EFTUD2: variants seen among roughly 807,000 people sequenced by gnomAD.
EFTUD2 encodes 116 kDa U5 small nuclear ribonucleoprotein component.
Under a neutral mutation model 114.3 loss-of-function variants are expected in EFTUD2, and 9 were observed. The ratio of observed to expected loss-of-function variants is 0.08; its 90% CI spans 0.05 to 0.14. The LOEUF (loss-of-function observed/expected upper bound fraction) is 0.14. Ranked by LOEUF, EFTUD2 falls within the 10% of genes least tolerant of loss-of-function variation. EFTUD2 has a pLI of 1.00. For missense variants in EFTUD2, 765 were observed against 1,241.2 expected, an observed-to-expected ratio of 0.62 and a Z score of 5.76; for synonymous variants, 449 against 462.3, an observed-to-expected ratio of 0.97 and a Z score of 0.37.
At chr17:44,872,767 T>C (rs1156250998) in intron 10 of EFTUD2, 197 bp from the exon 11 acceptor site, 1 of 466,720 alleles carries the variant, frequency 2.1e-6, no homozygotes. Context: ...CAATAACAAG[T>C]TGATTTCCCA....
intron 15 of EFTUD2, 41 bp from the exon 16 acceptor site, chr17:44,862,947 C>T: frequency 6.4e-7 from 1 of 1,554,922 alleles, no homozygotes; most frequent in South Asian, 1.2e-5. Context: ...CACATCTATG[C>T]TCCGGGGAAG....
intron 5 of EFTUD2, chr17:44,883,407 C>T: frequency 1.7e-6 from 1 of 602,038 alleles, no homozygotes; most frequent in Non-Finnish European, 2.9e-6. Context: ...GCTCAATTTC[C>T]CATCTTCTGT....
chr17:44,875,875 T>C (rs2050938796), intron 10 of EFTUD2, 59 bp downstream of exon 10: 2 of 1,575,678 alleles, frequency 1.3e-6, no homozygotes, highest in Non-Finnish European at 1.7e-6. Flanking sequence ...CCCAGAGGTA[T>C]TCAGGGTTAA....
At position 44,850,137 on chromosome 17, in the gene EFTUD2, A is replaced by G; in HGVS notation, c.*1137T>C. 1 of 545,966 alleles carries G rather than the reference A, an allele frequency of 1.8e-6. No homozygotes were observed. Among genetic ancestry groups the G allele is most frequent in the Non-Finnish European group, 3.3e-6 (1 of 302,246 alleles). The allele number at this position is 545,966 out of a possible 1,614,324, so 33.8% of individuals were successfully genotyped here. A position where few individuals can be genotyped will look rare whatever the true frequency, so the allele number is the denominator to read the frequency against. On this transcript the variant is annotated 3_prime_UTR_variant, in exon 28 of 28. Transcript: ENST00000426333. Reference sequence around the variant, plus strand: ...ACAATACATGTGAAAGTGTTTCGTGAACTGTCAGATAAGTGGTTTCCCCAG... The same window carrying G: ...ACAATACATGTGAAAGTGTTTCGTGGACTGTCAGATAAGTGGTTTCCCCAG...
chr17:44,894,488 A>C lies in EFTUD2; in HGVS notation c.34T>G (p.Tyr12Asp). ...DTDLYDEFGN[Y>D]IGPELDSDED... ...TCAGAATCAAGCTCTGGTCCAATAT[A>C]ATTCCCAAACTCATCATATAAGTCG... Residue 12 changes from tyrosine to aspartate, a missense_variant, in exon 2 of 28, where the codon TAT (tyrosine) becomes GAT (aspartate). Coordinates refer to ENST00000426333, the MANE Select transcript of EFTUD2 (RefSeq NM_004247.4). 6.2e-7 allele frequency: 1 copy of C among 1,614,156 alleles called. No homozygotes were observed.
At chr17:44,885,124 G>T in intron 4 of EFTUD2, 132 bp downstream of exon 4, 1 of 697,838 alleles carries the variant, frequency 1.4e-6, no homozygotes. Context: ...AGCCACACAA[G>T]CTGAAGGAGA....
chr17:44,895,202 G>A (rs1249407234), intron 1 of EFTUD2, among the ~76,000 whole-genome samples: 1 of 152,234 alleles, frequency 6.6e-6, no homozygotes, highest in East Asian at 1.9e-4. Flanking sequence ...TATTAAAAAA[G>A]TTTCATTGGG....
At chr17:44,893,249 A>G (rs1016971599) in intron 2 of EFTUD2, among the ~76,000 whole-genome samples, 7 of 151,942 alleles carry the variant, frequency 4.6e-5, no homozygotes, top group Non-Finnish European at 8.8e-5. Flanking sequence ...CGGCCTTCCA[A>G]GCAGCTGGGA....
At chr17:44,875,841 G>T (rs2050938215) in intron 10 of EFTUD2, 93 bp downstream of exon 10, 1 of 1,494,984 alleles carries the variant, frequency 6.7e-7, no homozygotes, top group Non-Finnish European at 9.1e-7. Context: ...ATCAACACAC[G>T]CTTAGAAATA....
At chr17:44,865,504 T>TAG (rs2050730182) in intron 13 of EFTUD2, among the ~76,000 whole-genome samples, 1 of 152,216 alleles carries the variant, frequency 6.6e-6, no homozygotes, top group Non-Finnish European at 1.5e-5. Flanking sequence ...TCACCCTCAG[T>TAG]AGACTCAAGG....
chr17:44,863,115 T>A, intron 15 of EFTUD2: 1 of 443,630 alleles, frequency 2.3e-6, no homozygotes. Flanking sequence ...CCTCTTTTTT[T>A]TTTTTTGGGA....
chr17:44,881,720 C>A lies in EFTUD2; in HGVS notation c.495G>T (p.Leu165=). 9 of 1,614,076 alleles carry A rather than the reference C, an allele frequency of 5.6e-6. No individual in the cohort carries two copies. Among genetic ancestry groups the A allele is most frequent in the Non-Finnish European group, 7.6e-6 (9 of 1,179,970 alleles). ...CTGTGAAGAGGATGTCAGTATAGCA[C>A]AGCTGAAAAAAAATTAACTGTTGTT... ...PEIRKRYDQD[L]CYTDILFTEQ... is the part of the protein sequence containing the mutation. The change falls in exon 7 of 28, where the codon CTG becomes CTT. Residue 165 remains leucine, a splice_region_variant and synonymous_variant. Coordinates refer to ENST00000426333, the MANE Select transcript of EFTUD2 (RefSeq NM_004247.4).
At position 44,863,775 on chromosome 17, in the gene EFTUD2, C is replaced by A; in HGVS notation, c.1293G>T (p.Val431=). Residue 431 remains valine (V), a synonymous_variant, in exon 15 of 28, where the codon GTG becomes GTT. Transcript: ENST00000426333. ...KKFFGEFTGF[V]DMCVQHIPSP... ...AAGGGATATGCTGCACACACATGTC[C>A]ACAAAGCCTGTGGATGGAGAAGAGA... 6.2e-7 allele frequency: 1 copy of A among 1,613,956 alleles called. No individual in the cohort carries two copies. The highest frequency in any genetic ancestry group is 1.1e-5 in the South Asian group (1 of 91,034).
intron 9 of EFTUD2, 123 bp downstream of exon 9, chr17:44,879,433 A>G: frequency 2.1e-6 from 2 of 930,918 alleles, no homozygotes; most frequent in East Asian, 5.0e-5. Flanking sequence ...AGCAAATTTG[A>G]GCCTTAATCC....
At chr17:44,882,164 C>T (rs1398378993) in intron 6 of EFTUD2, among the ~76,000 whole-genome samples, 2 of 152,142 alleles carry the variant, frequency 1.3e-5, no homozygotes, top group Admixed American at 6.5e-5. Context: ...GAACTCCTGA[C>T]CTCATGTGAT....
intron 1 of EFTUD2, among the ~76,000 whole-genome samples, chr17:44,897,131 G>A (rs1348735603): frequency 1.3e-5 from 2 of 150,798 alleles, no homozygotes; most frequent in Non-Finnish European, 3.0e-5. Context: ...CAGGAGAATG[G>A]TGTGAACCCA....
intron 19 of EFTUD2, chr17:44,857,462 AC>A (rs1477139241): frequency 5.9e-6 from 2 of 337,696 alleles, no homozygotes; most frequent in Admixed American, 3.9e-5. Flanking sequence ...GCCATCTACC[AC>A]CATTCACTGA....
At chr17:44,875,606 G>A in intron 10 of EFTUD2, 1 of 175,904 alleles carries the variant, frequency 5.7e-6, no homozygotes, top group Non-Finnish European at 1.2e-5. Flanking sequence ...CAGCTATCAG[G>A]AGACTGAGGT....
chr17:44,881,823 C>T, intron 6 of EFTUD2, 101 bp from the exon 7 acceptor site: 1 of 1,131,490 alleles, frequency 8.8e-7, no homozygotes, highest in Middle Eastern at 2.0e-4. Context: ...TCAAGGGTTT[C>T]TTTGAGATTA....
Sources: gnomAD v4.1 joint callset for allele counts (sites outside exome capture counted in the v4.1 genomes callset) on GRCh38, gnomAD v4.1.1 for gene constraint, MANE v1.5 for transcripts, NCBI Gene and HGNC (gene_info 2026-07-23, HGNC 2026-07-21) for gene names.